Variants in TCF12 observed in about 807,000 individuals in gnomAD.
The protein encoded by TCF12 is DNA-binding protein HTF4.
In TCF12, 45 loss-of-function variants were observed where a neutral mutation model predicts 86.0. The ratio of observed to expected loss-of-function variants is 0.52; its 90% CI spans 0.41 to 0.67. The LOEUF (loss-of-function observed/expected upper bound fraction) is 0.67, where lower values mean the gene tolerates loss of function less well. Among genes scored for constraint, TCF12 ranks in the 30% least tolerant of loss-of-function variants. The pLI is 0.00. For synonymous variants in TCF12, 330 were observed against 299.6 expected, an observed-to-expected ratio of 1.10 and a Z score of -1.05; for missense variants, 881 against 859.9, an observed-to-expected ratio of 1.02 and a Z score of -0.31.
intron 7 of TCF12, among the ~76,000 whole-genome samples, chr15:57,195,600 C>A: frequency 6.6e-6 from 1 of 152,176 alleles, no homozygotes; most frequent in Non-Finnish European, 1.5e-5. Flanking sequence ...ATACTTCCCC[C>A]CTTTGCTGTT....
intron 4 of TCF12, among the ~76,000 whole-genome samples, chr15:57,064,795 C>CA (rs1177544594): frequency 0.21 from 16,480 of 77,986 alleles, 2,594 homozygotes; most frequent in African/African-American, 0.43. Flanking sequence ...GACTCCATCT[C>CA]AAAAAAAAAA....
At chr15:56,990,356 G>A (rs188927292) in intron 3 of TCF12, among the ~76,000 whole-genome samples, 4 of 151,850 alleles carry the variant, frequency 2.6e-5, no homozygotes, top group African/African-American at 4.8e-5. Flanking sequence ...CTAACAAGAC[G>A]ATACAAAATT....
At chr15:57,197,260 G>A (rs140496047) in intron 7 of TCF12, among the ~76,000 whole-genome samples, 23 of 145,882 alleles carry the variant, frequency 1.6e-4, no homozygotes, top group Non-Finnish European at 6.0e-5. Context: ...GGGTTCAAGT[G>A]ATTCTCCTGC....
rs775115751 is a variant in TCF12, at chr15:57,232,443, A to G, written c.825+13A>G. Reference sequence around the variant, plus strand: ...ACATGACCGCTTGGTAGGCTATAACACGTGACTAGGGTACAGCAACACTTT... The same window carrying G: ...ACATGACCGCTTGGTAGGCTATAACGCGTGACTAGGGTACAGCAACACTTT... On this transcript the variant is annotated intron_variant, in intron 10 of 20. Coordinates refer to ENST00000333725, the MANE Select transcript of TCF12 (RefSeq NM_207037.2). 1 of 1,593,064 alleles carries G rather than the reference A, an allele frequency of 6.3e-7. No homozygotes were observed. The highest frequency in any genetic ancestry group is 1.2e-5 in the South Asian group (1 of 86,892).
chr15:57,129,062 C>T (rs1321733457), intron 5 of TCF12, among the ~76,000 whole-genome samples: 1 of 152,144 alleles, frequency 6.6e-6, no homozygotes, highest in Non-Finnish European at 1.5e-5. Flanking sequence ...GTGGAGTTAC[C>T]AGGTAATATA....
At chr15:56,948,781 A>C (rs1276496339) in intron 3 of TCF12, among the ~76,000 whole-genome samples, 1 of 152,194 alleles carries the variant, frequency 6.6e-6, no homozygotes, top group East Asian at 1.9e-4. Flanking sequence ...TTGCCTATTC[A>C]CCTTCCGACA....
intron 5 of TCF12, among the ~76,000 whole-genome samples, chr15:57,158,575 G>A (rs766105470): frequency 1.1e-4 from 17 of 152,158 alleles, no homozygotes; most frequent in Non-Finnish European, 2.1e-4. Flanking sequence ...TAGCACTTCT[G>A]CCAGAATTAT....
In TCF12 at chr15:57,170,780, TATATATATATAATATATATATATAA is replaced by T. The variant is rs2055411633; in HGVS notation, c.390+4315_390+4339del. Among the ~76,000 whole-genome samples, 9 of 2,832 alleles carry T rather than the reference TATATATATATAATATATATATATAA, an allele frequency of 3.2e-3. No homozygotes were observed. In the East Asian group the frequency reaches 0.078, roughly 25 times the overall value. 1.9% of individuals were successfully genotyped at this position (2,832 alleles called of 152,430 possible). A position where few individuals can be genotyped will look rare whatever the true frequency, so the allele number is the denominator to read the frequency against. On this transcript the variant is annotated intron_variant, in intron 6 of 20. Transcript: ENST00000333725. The stretch of plus-strand genomic sequence containing the variant: ...TATATTATATATATATTATATATAA[TATATATATATAATATATATATATAA>T]TTTTTTTTTTTTTTTTTTTAGAGAT...
At chr15:57,054,393 C>G (rs1297807009) in intron 3 of TCF12, among the ~76,000 whole-genome samples, 1 of 152,174 alleles carries the variant, frequency 6.6e-6, no homozygotes, top group African/African-American at 2.4e-5. Context: ...AACAAAAAAC[C>G]TTTGCACTTT....
At chr15:57,173,481 C>G (rs910364411) in intron 6 of TCF12, among the ~76,000 whole-genome samples, 6 of 151,766 alleles carry the variant, frequency 4.0e-5, no homozygotes, top group African/African-American at 1.5e-4. Context: ...AAAGTTAACC[C>G]CTAGCTAGAC....
At chr15:57,282,265 A>C (rs1168414744) in intron 19 of TCF12, 180 bp from the exon 20 acceptor site, 3 of 669,352 alleles carry the variant, frequency 4.5e-6, no homozygotes, top group Admixed American at 3.1e-5. Context: ...ATGGTCACTT[A>C]GAAGTATAAA....
intron 4 of TCF12, among the ~76,000 whole-genome samples, chr15:57,078,622 TTTTAATTTC>T (rs1368847498): frequency 6.7e-6 from 1 of 149,696 alleles, no homozygotes; most frequent in African/African-American, 2.5e-5. Context: ...CATATGCATA[TTTTAATTTC>T]TTTAATTTCA....
At chr15:56,939,967 GTTTTTTTT>G (rs67832685) in intron 3 of TCF12, among the ~76,000 whole-genome samples, 35 of 104,752 alleles carry the variant, frequency 3.3e-4, no homozygotes, top group Non-Finnish European at 5.0e-4. Flanking sequence ...TTAATAGCGT[GTTTTTTTT>G]TTTTTTTTTT....
At chr15:57,143,390 A>T (rs886896270) in intron 5 of TCF12, among the ~76,000 whole-genome samples, 28 of 152,290 alleles carry the variant, frequency 1.8e-4, no homozygotes, top group African/African-American at 6.7e-4. Context: ...TCTGCTGCTT[A>T]TTCTCAAAAA....
chr15:57,114,688 A>G (rs1435321292), intron 5 of TCF12, among the ~76,000 whole-genome samples: 2 of 152,160 alleles, frequency 1.3e-5, no homozygotes, highest in African/African-American at 4.8e-5. Context: ...AGCATTTCTT[A>G]GGGTACATGA....
chr15:57,217,648 T>G (rs2058386096), intron 8 of TCF12, among the ~76,000 whole-genome samples: 1 of 152,164 alleles, frequency 6.6e-6, no homozygotes, highest in South Asian at 2.1e-4. Flanking sequence ...CTTCTCCCTA[T>G]TCCTCCTCAA....
At chr15:57,242,953 T>G (rs1247814794) in intron 12 of TCF12, among the ~76,000 whole-genome samples, 1 of 152,238 alleles carries the variant, frequency 6.6e-6, no homozygotes, top group Non-Finnish European at 1.5e-5. Flanking sequence ...CACTCAATCA[T>G]TTGGAGCTAA....
At position 57,087,429 on chromosome 15, in the gene TCF12, T is replaced by A. The variant is rs867355232; in HGVS notation, c.223-4360T>A. Among the ~76,000 whole-genome samples the A allele has an allele frequency of 2.5e-3, 372 of 146,834 alleles. 5 individuals are homozygous for A. The highest frequency in any genetic ancestry group is 0.021 in the Admixed American group (310 of 14,758). On this transcript the variant is annotated intron_variant, in intron 4 of 20. Coordinates refer to ENST00000333725, the MANE Select transcript of TCF12 (RefSeq NM_207037.2). ...CCTGTCTCAAAAAAAAAAAAAAAAT[T>A]TATATATATATATATTTGATTATGT...
At chr15:57,103,130 T>C (rs2049874770) in intron 5 of TCF12, among the ~76,000 whole-genome samples, 1 of 152,196 alleles carries the variant, frequency 6.6e-6, no homozygotes, top group Non-Finnish European at 1.5e-5. Flanking sequence ...AAAAAAAGTA[T>C]ACTGTTGCTC....
Sources: allele counts gnomAD v4.1 joint callset (sites outside exome capture counted in the v4.1 genomes callset), GRCh38; gene constraint gnomAD v4.1.1; transcripts MANE v1.5; gene names NCBI Gene and HGNC (gene_info 2026-07-23, HGNC 2026-07-21).